The following RCC1 variants were observed in gnomAD, a reference collection of about 807,000 sequenced individuals.
The protein encoded by RCC1 is regulator of chromosome condensation 1.
RCC1 carries 11 observed loss-of-function variants against 44.4 expected under a neutral mutation model. That is an observed-to-expected ratio of 0.25 (90% CI 0.16 to 0.41). RCC1 has a LOEUF of 0.41. Among genes scored for constraint, RCC1 ranks in the 10% least tolerant of loss-of-function variants. RCC1 has a pLI of 1.00. For missense variants in RCC1, 386 were observed against 547.1 expected (o/e 0.71, Z 2.94); for synonymous variants, 213 against 216.5 (o/e 0.98, Z 0.14).
In RCC1 at chr1:28,535,963, A is replaced by G; in HGVS notation, c.754A>G (p.Thr252Ala). The G allele has an allele frequency of 1.2e-6, 2 of 1,613,760 alleles. No homozygotes were observed. Among genetic ancestry groups the G allele is most frequent in the Non-Finnish European group, 1.7e-6 (2 of 1,179,924 alleles). Residue 252 changes from threonine (T) to alanine (A), a missense_variant, in exon 10 of 13, where the codon ACC (threonine) becomes GCC (alanine). Physicochemically the swap from Thr to Ala is moderately conservative, Grantham distance 58 (BLOSUM62 0). Transcript: ENST00000683442. ...GGATGCCTTTTGTGGTGCCTATTTC[A>G]CCTTTGCCATCTCCCATGAGGGCCA... is the stretch of plus-strand genomic sequence containing the variant. ...FQDAFCGAYF[T>A]FAISHEGHVY...
intron 4 of RCC1, among the ~76,000 whole-genome samples, chr1:28,528,589 G>C (rs1396296066): frequency 3.3e-5 from 5 of 152,160 alleles, no homozygotes; most frequent in Admixed American, 3.3e-4. Context: ...GATCATGCCT[G>C]TGCGCTCCAG....
At chr1:28,521,515 A>C (rs1046708723) in intron 4 of RCC1, among the ~76,000 whole-genome samples, 18 of 151,168 alleles carry the variant, frequency 1.2e-4, no homozygotes, top group African/African-American at 4.4e-4. Context: ...AAAAAAAAAA[A>C]AAAAAAAAGA....
chr1:28,512,148 GT>G (rs928505531), intron 3 of RCC1, among the ~76,000 whole-genome samples: 147 of 138,712 alleles, frequency 1.1e-3, no homozygotes, highest in African/African-American at 3.0e-3. Context: ...TAATTTTTGT[GT>G]TTTTTTTTTC....
At chr1:28,529,272 C>T (rs1276682465) in intron 4 of RCC1, among the ~76,000 whole-genome samples, 1 of 150,236 alleles carries the variant, frequency 6.7e-6, no homozygotes, top group Non-Finnish European at 1.5e-5. Flanking sequence ...CAACCTCCAC[C>T]TCGCGGGTTC....
intron 7 of RCC1, among the ~76,000 whole-genome samples, chr1:28,533,369 G>T (rs1664302057): frequency 6.6e-6 from 1 of 151,722 alleles, no homozygotes; most frequent in Admixed American, 6.6e-5. Flanking sequence ...TACTCGGGAG[G>T]CTGAGGCAGG....
chr1:28,511,975 CCT>C (rs144039770), intron 3 of RCC1, among the ~76,000 whole-genome samples: 12,149 of 122,422 alleles, frequency 0.099, 1,209 homozygotes, highest in African/African-American at 0.33. Context: ...CAAGCCTGAT[CCT>C]TTTTTTTTTT....
intron 7 of RCC1, among the ~76,000 whole-genome samples, chr1:28,534,078 A>G (rs1342475367): frequency 2.6e-5 from 4 of 150,998 alleles, no homozygotes; most frequent in Non-Finnish European, 5.9e-5. Context: ...GGGTTTCACC[A>G]TGTTGGCCAG....
chr1:28,526,525 C>A, intron 4 of RCC1: 1 of 576,152 alleles, frequency 1.7e-6, no homozygotes, highest in Non-Finnish European at 3.3e-6. Flanking sequence ...ACTGCAACAA[C>A]TTCAAAGTTC....
At chr1:28,523,027 C>CTTTTTTTTTTTTTT (rs775851239) in intron 4 of RCC1, among the ~76,000 whole-genome samples, 1 of 91,040 alleles carries the variant, frequency 1.1e-5, no homozygotes, top group Non-Finnish European at 2.1e-5. Context: ...GAAGAAATTT[C>CTTTTTTTTTTTTTT]TTTTTTTTTT....
chr1:28,525,648 A>G (rs1201984963), intron 4 of RCC1, among the ~76,000 whole-genome samples: 6 of 152,208 alleles, frequency 3.9e-5, no homozygotes, highest in African/African-American at 1.4e-4. Context: ...GGTGAAGTTC[A>G]GAACTGCCAC....
chr1:28,536,515 T>G lies in RCC1; in HGVS notation c.937+134T>G, dbSNP rs996010332. 1.6e-6 allele frequency: 2 copies of G among 1,229,806 alleles called. No homozygotes were observed. Among genetic ancestry groups the G allele is most frequent in the Non-Finnish European group, 1.1e-6 (1 of 884,242 alleles). 76.2% of individuals were successfully genotyped at this position (1,229,806 alleles called of 1,614,324 possible). ...TGTACCATACATGGGTCCATGAGAG[T>G]CACTCTCATCCTCCTAGAGTCCTGG... On this transcript the variant is annotated intron_variant, in intron 11 of 12. Coordinates refer to ENST00000683442, the MANE Select transcript of RCC1 (RefSeq NM_001381865.2). This position sits in a 1 kb window ranked among gnomAD's most constrained non-coding sequence, Gnocchi z 4.9.
intron 4 of RCC1, chr1:28,518,673 C>G (rs1335115623): frequency 1.3e-5 from 2 of 151,672 alleles, no homozygotes; most frequent in South Asian, 2.1e-4. Context: ...GGGTCTCTGC[C>G]GCGAGGAGGA....
intron 4 of RCC1, among the ~76,000 whole-genome samples, chr1:28,524,076 A>G (rs1316630001): frequency 6.6e-6 from 1 of 152,158 alleles, no homozygotes; most frequent in African/African-American, 2.4e-5. Context: ...TGGCCTCCCA[A>G]TCTGCTGGGA....
intron 5 of RCC1, among the ~76,000 whole-genome samples, chr1:28,530,859 C>T (rs1266754823): frequency 1.3e-5 from 2 of 152,200 alleles, no homozygotes; most frequent in African/African-American, 4.8e-5. Context: ...GTGGATTTGC[C>T]CGGGAGCTGA....
chr1:28,538,169 T>G lies in RCC1; in HGVS notation c.*162T>G. ...AACAGAATCCTTTTCCTCTTTTCCT[T>G]CCTCCTCTTTGGAATTTTCCTGGGA... is the stretch of plus-strand genomic sequence containing the variant. On this transcript the variant is annotated 3_prime_UTR_variant, in exon 13 of 13. Coordinates refer to ENST00000683442, the MANE Select transcript of RCC1 (RefSeq NM_001381865.2). 1.7e-6 allele frequency: 1 copy of G among 585,794 alleles called. No individual in the cohort carries two copies. The highest frequency in any genetic ancestry group is 2.7e-5 in the South Asian group (1 of 36,798). 36.3% of individuals were successfully genotyped at this position (585,794 alleles called of 1,614,324 possible). A position where few individuals can be genotyped will look rare whatever the true frequency, so the allele number is the denominator to read the frequency against.
chr1:28,532,972 C>T (rs909632358), intron 7 of RCC1, among the ~76,000 whole-genome samples: 4 of 152,028 alleles, frequency 2.6e-5, no homozygotes, highest in Non-Finnish European at 2.9e-5. Context: ...TGCGCCACCA[C>T]GCCTGGCTAA....
chr1:28,533,908 T>G, intron 7 of RCC1, among the ~76,000 whole-genome samples: 1 of 110,974 alleles, frequency 9.0e-6, no homozygotes, highest in South Asian at 3.5e-4. Flanking sequence ...GACAGAGTCT[T>G]GCTCTATCAC....
chr1:28,506,436 C>T (rs1287756596), intron 1 of RCC1: 3 of 343,322 alleles, frequency 8.7e-6, no homozygotes, highest in Non-Finnish European at 1.7e-5. Context: ...CCACCACCCT[C>T]GGCCTTCCAA....
chr1:28,516,769 G>C lies in RCC1; in HGVS notation c.-108G>C. On this transcript the variant is annotated 5_prime_UTR_variant, in exon 4 of 13. Coordinates refer to ENST00000683442, the MANE Select transcript of RCC1 (RefSeq NM_001381865.2). The stretch of plus-strand genomic sequence containing the variant: ...CTTGGAGGAAGACAGCAGAGAGAGA[G>C]AGAGAGATCAGAGATCCCAGGGTTA... 4.4e-6 allele frequency: 2 copies of C among 455,726 alleles called. No homozygotes were observed. Among genetic ancestry groups the C allele is most frequent in the South Asian group, 1.6e-5 (1 of 64,374 alleles). The allele number at this position is 455,726 out of a possible 1,614,324, so 28.2% of individuals were successfully genotyped here. A position where few individuals can be genotyped will look rare whatever the true frequency, so the allele number is the denominator to read the frequency against.
Sources: allele counts gnomAD v4.1 joint callset (sites outside exome capture counted in the v4.1 genomes callset), GRCh38; gene constraint gnomAD v4.1.1; non-coding constraint Gnocchi (gnomAD v3.1); transcripts MANE v1.5; gene names NCBI Gene and HGNC (gene_info 2026-07-23, HGNC 2026-07-21).